The following ZEB1 variants were observed in gnomAD, a reference collection of about 807,000 sequenced individuals.
The protein encoded by ZEB1 is zinc finger E-box binding homeobox 1.
ZEB1 carries 21 observed loss-of-function variants against 84.9 expected under a neutral mutation model. The ratio of observed to expected loss-of-function variants is 0.25; its 90% confidence interval spans 0.18 to 0.36. The LOEUF (loss-of-function observed/expected upper bound fraction) is 0.36. ZEB1 is among the 10% of genes least tolerant of loss of function. ZEB1 has a pLI of 1.00. For missense variants in ZEB1, 1,104 were observed against 1,330.2 expected, an observed-to-expected ratio of 0.83 and a Z score of 2.65; for synonymous variants, 420 against 471.1, an observed-to-expected ratio of 0.89 and a Z score of 1.41.
At chr10:31,483,788 C>G (rs1028708906) in intron 2 of ZEB1, among the ~76,000 whole-genome samples, 1 of 152,002 alleles carries the variant, frequency 6.6e-6, no homozygotes, top group Non-Finnish European at 1.5e-5. Flanking sequence ...TTTTCTGTTG[C>G]TGCCATAACA....
At chr10:31,521,969 G>A in intron 7 of ZEB1, 33 bp downstream of exon 7, 1 of 1,613,678 alleles carries the variant, frequency 6.2e-7, no homozygotes, top group Non-Finnish European at 8.5e-7. Context: ...AACCTGGCTA[G>A]TAATATGCTA....
At chr10:31,515,953 G>A (rs992358947) in intron 6 of ZEB1, among the ~76,000 whole-genome samples, 1 of 151,944 alleles carries the variant, frequency 6.6e-6, no homozygotes, top group Admixed American at 6.6e-5. Flanking sequence ...TGAAATCAGG[G>A]CAGAGGAAGG....
intron 1 of ZEB1, among the ~76,000 whole-genome samples, chr10:31,334,057 A>G (rs1023826579): frequency 2.0e-5 from 3 of 152,094 alleles, no homozygotes; most frequent in African/African-American, 7.2e-5. Context: ...CTAGGACTGC[A>G]GAAGAAATAG....
At chr10:31,404,387 A>G (rs143389422) in intron 1 of ZEB1, among the ~76,000 whole-genome samples, 15 of 152,248 alleles carry the variant, frequency 9.9e-5, no homozygotes, top group Admixed American at 3.9e-4. Context: ...GCAAGTATTC[A>G]TTTACTGAAA....
At chr10:31,325,858 A>G (rs1462113810) in intron 1 of ZEB1, among the ~76,000 whole-genome samples, 1 of 151,820 alleles carries the variant, frequency 6.6e-6, no homozygotes, top group Non-Finnish European at 1.5e-5. Flanking sequence ...CATTATTTAT[A>G]TATCTGTTAC....
intron 1 of ZEB1, among the ~76,000 whole-genome samples, chr10:31,323,627 ACT>A (rs1206310612): frequency 2.0e-5 from 3 of 151,792 alleles, no homozygotes; most frequent in Non-Finnish European, 4.4e-5. Context: ...ATGCAGTAAA[ACT>A]CTGTAGTTCG....
chr10:31,338,338 A>G (rs970191724), intron 1 of ZEB1, among the ~76,000 whole-genome samples: 6 of 152,152 alleles, frequency 3.9e-5, no homozygotes, highest in African/African-American at 1.2e-4. Context: ...TTGCAACCCT[A>G]TGAGAAAGAT....
intron 1 of ZEB1, among the ~76,000 whole-genome samples, chr10:31,391,736 A>C (rs992948479): frequency 1.3e-5 from 2 of 152,194 alleles, no homozygotes; most frequent in Non-Finnish European, 2.9e-5. Context: ...CATAATTTAA[A>C]GCTACAAAAG....
At chr10:31,492,136 G>A (rs73262045) in intron 2 of ZEB1, among the ~76,000 whole-genome samples, 2,253 of 151,874 alleles carry the variant, frequency 0.015, 63 homozygotes, top group African/African-American at 0.051. Context: ...ACTGGGTAAC[G>A]GCTTTCTAGG....
intron 5 of ZEB1, among the ~76,000 whole-genome samples, chr10:31,513,801 A>C (rs2070553627): frequency 6.6e-6 from 1 of 152,186 alleles, no homozygotes; most frequent in Admixed American, 6.5e-5. Flanking sequence ...TGACTGAGGC[A>C]TAGACTTGTC....
intron 1 of ZEB1, among the ~76,000 whole-genome samples, chr10:31,432,133 G>A (rs192837257): frequency 6.6e-6 from 1 of 152,300 alleles, no homozygotes; most frequent in African/African-American, 2.4e-5. Context: ...ACTACCTTCA[G>A]AATATAGTAT....
At chr10:31,408,076 C>G (rs1295593974) in intron 1 of ZEB1, among the ~76,000 whole-genome samples, 53 of 151,912 alleles carry the variant, frequency 3.5e-4, no homozygotes, top group African/African-American at 1.2e-3. Flanking sequence ...GTACAAAAAT[C>G]ACAAGCATTC....
chr10:31,493,001 C>T (rs1358831298), intron 2 of ZEB1, among the ~76,000 whole-genome samples: 1 of 151,846 alleles, frequency 6.6e-6, no homozygotes, highest in Admixed American at 6.6e-5. Flanking sequence ...ACCCAGTTTC[C>T]TCCAATGGTA....
At chr10:31,493,612 G>T (rs1181852171) in intron 2 of ZEB1, among the ~76,000 whole-genome samples, 8 of 152,042 alleles carry the variant, frequency 5.3e-5, no homozygotes, top group African/African-American at 1.2e-4. Flanking sequence ...GAGAGATACT[G>T]CTGCTTGAAA....
rs1279683756 is a variant in ZEB1 at position 31,334,979 on chromosome 10, A to G, written c.58+15687A>G. Among the ~76,000 whole-genome samples, 3 of 152,278 alleles carry G rather than the reference A, an allele frequency of 2.0e-5. No individual in the cohort carries two copies. In the East Asian group the frequency reaches 5.8e-4, roughly 29 times the overall value. On this transcript the variant is annotated intron_variant, in intron 1 of 8. Coordinates refer to ENST00000424869, the MANE Select transcript of ZEB1 (RefSeq NM_001174096.2). ...ATTCCAGTTGTACAGAGAGTATTTC[A>G]TGGTTTGGAAAAAGAAATGACTGTC...
chr10:31,461,302 T>C, intron 2 of ZEB1, 65 bp downstream of exon 2: 1 of 1,466,212 alleles, frequency 6.8e-7, no homozygotes, highest in South Asian at 1.2e-5. Context: ...ATATATTAAC[T>C]GAAAAGATAA....
At chr10:31,343,709 G>A (rs2039797400) in intron 1 of ZEB1, among the ~76,000 whole-genome samples, 2 of 152,184 alleles carry the variant, frequency 1.3e-5, no homozygotes, top group Non-Finnish European at 2.9e-5. Flanking sequence ...ATTTAGAGCA[G>A]GTGTGCTATG....
At chr10:31,339,415 C>A (rs1440487186) in intron 1 of ZEB1, among the ~76,000 whole-genome samples, 1 of 152,024 alleles carries the variant, frequency 6.6e-6, no homozygotes, top group African/African-American at 2.4e-5. Context: ...ATTGTAAGGA[C>A]TTATTTACTT....
At chr10:31,364,293 A>C (rs1439734547) in intron 1 of ZEB1, among the ~76,000 whole-genome samples, 1 of 152,146 alleles carries the variant, frequency 6.6e-6, no homozygotes, top group African/African-American at 2.4e-5. Context: ...AGCCTCAGGG[A>C]TATCCTGCTC....
Sources: allele counts gnomAD v4.1 joint callset (sites outside exome capture counted in the v4.1 genomes callset), GRCh38; gene constraint gnomAD v4.1.1; transcripts MANE v1.5; gene names NCBI Gene and HGNC (gene_info 2026-07-23, HGNC 2026-07-21).